The following PRKACB variants were observed in gnomAD, a reference collection of about 807,000 sequenced individuals.
PRKACB encodes cAMP-dependent protein kinase catalytic subunit beta.
In PRKACB, 16 loss-of-function variants were observed where a neutral mutation model predicts 51.4. The observed-to-expected ratio is 0.31, with a 90% CI of 0.21 to 0.47. PRKACB has a LOEUF of 0.47. Among genes scored for constraint, PRKACB ranks in the 20% least tolerant of loss-of-function variants. PRKACB has a pLI of 1.00. For synonymous variants in PRKACB, 147 were observed against 154.4 expected, an observed-to-expected ratio of 0.95 and a Z score of 0.35; for missense variants, 309 against 464.5, an observed-to-expected ratio of 0.67 and a Z score of 3.08.
intron 5 of PRKACB, among the ~76,000 whole-genome samples, chr1:84,188,018 A>G (rs912610494): frequency 2.6e-5 from 4 of 152,138 alleles, no homozygotes; most frequent in African/African-American, 9.6e-5. Context: ...AAGAGAGAGC[A>G]GATTTTTACT....
At chr1:84,234,667 A>T (rs1460831126) in intron 9 of PRKACB, among the ~76,000 whole-genome samples, 4 of 152,112 alleles carry the variant, frequency 2.6e-5, no homozygotes, top group African/African-American at 9.7e-5. Flanking sequence ...GGTGGGAGTG[A>T]CCTGATTTTC....
intron 9 of PRKACB, among the ~76,000 whole-genome samples, chr1:84,219,391 AT>A: frequency 6.6e-6 from 1 of 151,758 alleles, no homozygotes; most frequent in Non-Finnish European, 1.5e-5. Flanking sequence ...CACCCAGCTA[AT>A]TTTTGTATTT....
At chr1:84,149,400 T>C (rs185241574) in intron 1 of PRKACB, among the ~76,000 whole-genome samples, 1 of 152,114 alleles carries the variant, frequency 6.6e-6, no homozygotes, top group Non-Finnish European at 1.5e-5. Flanking sequence ...GCTGGGACTA[T>C]AGGCATGTGC....
intron 1 of PRKACB, among the ~76,000 whole-genome samples, chr1:84,157,176 C>G (rs1655605803): frequency 6.6e-6 from 1 of 152,124 alleles, no homozygotes; most frequent in Non-Finnish European, 1.5e-5. Context: ...TATTTACCTT[C>G]TTTACTTTAA....
rs965343978 is a variant in PRKACB at position 84,207,608 on chromosome 1, A to G, written c.906+4803A>G. ...ATAATTTGTTAAAATTTATCTCAAC[A>G]TGCTCGTAGCCAGTAGTTAGTAGAT... On this transcript the variant is annotated intron_variant, in intron 8 of 9. Coordinates refer to ENST00000370685, the MANE Select transcript of PRKACB (RefSeq NM_182948.4). Among the ~76,000 whole-genome samples, 10 of 152,216 alleles carry G rather than the reference A, an allele frequency of 6.6e-5. No individual in the cohort carries two copies. In the South Asian group the frequency reaches 1.2e-3, roughly 19 times the overall value.
At chr1:84,196,578 C>A in intron 5 of PRKACB, 38 bp from the exon 6 acceptor site, 3 of 1,594,188 alleles carry the variant, frequency 1.9e-6, no homozygotes, top group Admixed American at 1.8e-5. Context: ...TGTATTAACT[C>A]ATTTTTACAG....
At chr1:84,081,204 A>T (rs1647502965) in intron 1 of PRKACB, among the ~76,000 whole-genome samples, 1 of 152,232 alleles carries the variant, frequency 6.6e-6, no homozygotes, top group Non-Finnish European at 1.5e-5. Context: ...GAATGAAGTT[A>T]GGCATAAAGA....
intron 1 of PRKACB, among the ~76,000 whole-genome samples, chr1:84,127,825 A>G (rs978194413): frequency 1.3e-5 from 2 of 151,972 alleles, no homozygotes; most frequent in Admixed American, 1.3e-4. Context: ...AGAAAATATA[A>G]TATTTCCTAT....
chr1:84,200,954 G>A (rs904221143), intron 7 of PRKACB, among the ~76,000 whole-genome samples: 13 of 151,900 alleles, frequency 8.6e-5, no homozygotes, highest in South Asian at 2.1e-4. Context: ...CTCTTCTATC[G>A]TTGAGTGTTC....
At chr1:84,134,489 T>TA (rs1652593020) in intron 1 of PRKACB, among the ~76,000 whole-genome samples, 1 of 152,200 alleles carries the variant, frequency 6.6e-6, no homozygotes, top group Non-Finnish European at 1.5e-5. Flanking sequence ...AAAGTACCTG[T>TA]ACTGCAAAGA....
intron 7 of PRKACB, among the ~76,000 whole-genome samples, chr1:84,201,683 A>G (rs143943529): frequency 6.6e-6 from 1 of 152,210 alleles, no homozygotes; most frequent in East Asian, 1.9e-4. Context: ...AAATTTTGAC[A>G]AAAGGGTGGA....
At chr1:84,221,395 C>A (rs886219062) in intron 9 of PRKACB, among the ~76,000 whole-genome samples, 8 of 151,074 alleles carry the variant, frequency 5.3e-5, no homozygotes, top group African/African-American at 1.5e-4. Flanking sequence ...AAAAAAAAAA[C>A]CTTTCATTTT....
At chr1:84,116,719 G>A (rs1421155151) in intron 1 of PRKACB, among the ~76,000 whole-genome samples, 3 of 152,110 alleles carry the variant, frequency 2.0e-5, no homozygotes, top group Admixed American at 6.6e-5. Flanking sequence ...AGTTTTTGGT[G>A]AAGTCTTTGG....
chr1:84,129,500 A>G (rs1250304784), intron 1 of PRKACB, among the ~76,000 whole-genome samples: 1 of 152,206 alleles, frequency 6.6e-6, no homozygotes, highest in African/African-American at 2.4e-5. Flanking sequence ...CAAAAGTACT[A>G]CAACTTTACT....
At chr1:84,209,829 T>C (rs1671869980) in intron 8 of PRKACB, among the ~76,000 whole-genome samples, 1 of 152,224 alleles carries the variant, frequency 6.6e-6, no homozygotes, top group South Asian at 2.1e-4. Flanking sequence ...TCCTGAGATA[T>C]ATTAGTAAGC....
intron 1 of PRKACB, among the ~76,000 whole-genome samples, chr1:84,146,218 C>T (rs368878904): frequency 8.5e-4 from 129 of 151,422 alleles, no homozygotes; most frequent in African/African-American, 3.0e-3. Flanking sequence ...AACCATGTAG[C>T]GCTGCAAATA....
chr1:84,176,604 GAA>G (rs66916276), intron 1 of PRKACB, among the ~76,000 whole-genome samples: 4 of 150,990 alleles, frequency 2.6e-5, no homozygotes, highest in African/African-American at 2.4e-5. Flanking sequence ...ATTTTTATAT[GAA>G]AAAAAATGTT....
chr1:84,186,842 A>C (rs1665272385), intron 5 of PRKACB, among the ~76,000 whole-genome samples: 1 of 152,014 alleles, frequency 6.6e-6, no homozygotes, highest in Admixed American at 6.6e-5. Context: ...CTCAAAGTAG[A>C]TTTTTGTCTG....
intron 8 of PRKACB, among the ~76,000 whole-genome samples, chr1:84,208,198 A>G (rs1671623452): frequency 6.6e-6 from 1 of 152,248 alleles, no homozygotes. Flanking sequence ...TATGGATACC[A>G]TGAACAACAT....
Sources: allele counts gnomAD v4.1 joint callset (sites outside exome capture counted in the v4.1 genomes callset), GRCh38; gene constraint gnomAD v4.1.1; transcripts MANE v1.5; gene names NCBI Gene and HGNC (gene_info 2026-07-23, HGNC 2026-07-21).